The following CDK5RAP2 variants were observed in gnomAD, a reference collection of about 807,000 sequenced individuals.
CDK5RAP2 encodes the protein CDK5 regulatory subunit associated protein 2.
CDK5RAP2 carries 147 observed loss-of-function variants against 232.9 expected under a neutral mutation model. The ratio of observed to expected loss-of-function variants is 0.63; its 90% CI spans 0.55 to 0.72. The LOEUF is 0.72. Among genes scored for constraint, CDK5RAP2 ranks in the 30% least tolerant of loss-of-function variants. CDK5RAP2 has a pLI of 0.00. For synonymous variants in CDK5RAP2, 833 were observed against 833.7 expected, an observed-to-expected ratio of 1.00 and a Z score of 0.01; for missense variants, 2,195 against 2,231.5, an observed-to-expected ratio of 0.98 and a Z score of 0.33.
At position 120,547,279 on chromosome 9, in the gene CDK5RAP2, C is replaced by G. The variant is rs574981256; in HGVS notation, c.307-1489G>C. 1.5e-3 allele frequency among the ~76,000 whole-genome samples: 228 copies of G among 152,174 alleles called. 1 individual carries two copies. Among genetic ancestry groups the G allele is most frequent in the African/African-American group, 5.3e-3 (222 of 41,524 alleles). ...TGCTGGGATTACAGGCGTGAGCCAC[C>G]GCATCCGGCCATATGTGTATTATTT... is the stretch of plus-strand genomic sequence containing the variant. On this transcript the variant is annotated intron_variant, in intron 4 of 37. Transcript: ENST00000349780.
At chr9:120,540,012 T>G (rs1485886486) in intron 5 of CDK5RAP2, among the ~76,000 whole-genome samples, 3 of 152,196 alleles carry the variant, frequency 2.0e-5, no homozygotes, top group Admixed American at 6.5e-5. Context: ...GCGCACTAGC[T>G]ACCACTTAGG....
Position 120,389,131 on chromosome 9 carries a change from G to A in CDK5RAP2, c.*105C>T. On this transcript the variant is annotated 3_prime_UTR_variant, in exon 38 of 38. Coordinates refer to ENST00000349780, the MANE Select transcript of CDK5RAP2 (RefSeq NM_018249.6). ...GAAGGGAAAAAATAGATTTCCTTTG[G>A]CCAGACAGCTCTTTCTTCCTCAATA... The A allele has an allele frequency of 1.0e-6, 1 of 970,446 alleles. No individual in the cohort carries two copies. The highest frequency in any genetic ancestry group is 2.6e-5 in the East Asian group (1 of 38,606). 60.1% of individuals were successfully genotyped at this position (970,446 alleles called of 1,614,324 possible).
intron 36 of CDK5RAP2, among the ~76,000 whole-genome samples, chr9:120,393,681 G>A (rs537555520): frequency 2.0e-5 from 3 of 152,238 alleles, no homozygotes; most frequent in Non-Finnish European, 4.4e-5. Context: ...GGAGTGCTGA[G>A]GGTTTAAACC....
Position 120,528,777 on chromosome 9 carries a change from C to T in CDK5RAP2, c.846G>A (p.Gln282=). Residue 282 remains glutamine (Q), a synonymous_variant, in exon 9 of 38, where the codon CAG becomes CAA. Transcript: ENST00000349780. The part of the protein sequence containing the change: ...RETEAAQMEH[Q]KERNSFEERI... ...TCTCTTCAAAGCTGTTTCTCTCCTT[C>T]TGATGCTCCATTTGTGCAGCCTAAG... 2 of 1,610,202 alleles carry T rather than the reference C, an allele frequency of 1.2e-6. No homozygotes were observed. Among genetic ancestry groups the T allele is most frequent in the Non-Finnish European group, 1.7e-6 (2 of 1,176,374 alleles).
At chr9:120,466,260 G>A (rs766958533) in intron 18 of CDK5RAP2, among the ~76,000 whole-genome samples, 5 of 151,694 alleles carry the variant, frequency 3.3e-5, no homozygotes, top group Non-Finnish European at 5.9e-5. Flanking sequence ...GGAGAACCAC[G>A]CATACTCCCA....
intron 12 of CDK5RAP2, among the ~76,000 whole-genome samples, chr9:120,517,239 T>C (rs2040378530): frequency 6.6e-6 from 1 of 152,244 alleles, no homozygotes; most frequent in Non-Finnish European, 1.5e-5. Flanking sequence ...TAGGTTTTCT[T>C]TATTGATCCA....
rs1448023369 is a variant in CDK5RAP2 at position 120,491,306 on chromosome 9, C to T, written c.1482+1G>A. 1 of 1,610,950 alleles carries T rather than the reference C, an allele frequency of 6.2e-7. No homozygotes were observed. Among genetic ancestry groups the T allele is most frequent in the Non-Finnish European group, 8.5e-7 (1 of 1,177,546 alleles). ...AAATTTAAATACAAAAGTTACAGTA[C>T]CTGAAGCAACACGTCCTTCTGATTG... On this transcript the variant is annotated splice_donor_variant, in intron 13 of 37. Coordinates refer to ENST00000349780, the MANE Select transcript of CDK5RAP2 (RefSeq NM_018249.6). LOFTEE classifies it high-confidence loss of function.
chr9:120,550,987 T>C, intron 3 of CDK5RAP2, 85 bp from the exon 4 acceptor site: 1 of 800,622 alleles, frequency 1.2e-6, no homozygotes, highest in South Asian at 1.4e-5. Context: ...CGCTATGGAT[T>C]ACGAGGCTAC....
At chr9:120,579,645 C>T (rs549312604) in intron 1 of CDK5RAP2, among the ~76,000 whole-genome samples, 1 of 152,342 alleles carries the variant, frequency 6.6e-6, no homozygotes, top group African/African-American at 2.4e-5. Flanking sequence ...GCCCCACCCT[C>T]GTCCTACTCT....
At chr9:120,436,053 C>T (rs139267863) in intron 25 of CDK5RAP2, among the ~76,000 whole-genome samples, 9 of 152,304 alleles carry the variant, frequency 5.9e-5, no homozygotes, top group Non-Finnish European at 1.0e-4. Context: ...ACAAATTATT[C>T]ATTACACAGG....
rs112260915 is a variant in CDK5RAP2 at position 120,463,244 on chromosome 9, G to A, written c.2107-2577C>T. ...AAATTAGCTGGGCATGGTGGCGGGC[G>A]CCTGTAGTCCCAGCTACTTGGGAAG... On this transcript the variant is annotated intron_variant, in intron 18 of 37. Coordinates refer to ENST00000349780, the MANE Select transcript of CDK5RAP2 (RefSeq NM_018249.6). 1.6e-3 allele frequency among the ~76,000 whole-genome samples: 236 copies of A among 152,204 alleles called. 1 individual carries two copies. Among genetic ancestry groups the A allele is most frequent in the African/African-American group, 5.2e-3 (215 of 41,518 alleles).
rs1238054226 is a variant in CDK5RAP2, at chr9:120,411,357, C to T, written c.4414+1G>A. The T allele has an allele frequency of 1.9e-6, 3 of 1,558,210 alleles. No homozygotes were observed. Among genetic ancestry groups the T allele is most frequent in the Admixed American group, 3.3e-5 (2 of 59,956 alleles). ...CTTCCAGTGACTCCTTTAACTCTTA[C>T]CTCTGGATCCTTTAATGAGCATTGC... On this transcript the variant is annotated splice_donor_variant, in intron 29 of 37. Transcript: ENST00000349780. LOFTEE classifies it high-confidence loss of function.
chr9:120,518,206 T>TGAGA (rs1168760869), intron 12 of CDK5RAP2, among the ~76,000 whole-genome samples: 8 of 108,932 alleles, frequency 7.3e-5, no homozygotes, highest in African/African-American at 3.2e-4. Flanking sequence ...TGTGTGTGTG[T>TGAGA]GTGTGAGAGA....
intron 11 of CDK5RAP2, among the ~76,000 whole-genome samples, chr9:120,521,465 T>C (rs2040650354): frequency 1.3e-5 from 2 of 152,144 alleles, no homozygotes; most frequent in African/African-American, 4.8e-5. Flanking sequence ...TTTCCCATGC[T>C]GTTCTCATGA....
intron 18 of CDK5RAP2, among the ~76,000 whole-genome samples, chr9:120,461,766 C>G (rs2037102137): frequency 6.6e-6 from 1 of 152,138 alleles, no homozygotes; most frequent in Admixed American, 6.5e-5. Context: ...CACCTGAGCC[C>G]AGGGAGGTCG....
intron 20 of CDK5RAP2, among the ~76,000 whole-genome samples, chr9:120,456,497 G>C (rs1400717258): frequency 6.6e-6 from 1 of 152,156 alleles, no homozygotes; most frequent in Non-Finnish European, 1.5e-5. Context: ...ATCTAGATGG[G>C]GGCAGAGTCA....
At chr9:120,564,550 A>G (rs886608437) in intron 3 of CDK5RAP2, among the ~76,000 whole-genome samples, 3 of 152,138 alleles carry the variant, frequency 2.0e-5, no homozygotes, top group African/African-American at 7.2e-5. Flanking sequence ...AAGGAGATTC[A>G]TCACAGCTTT....
chr9:120,504,324 G>A lies in CDK5RAP2; in HGVS notation c.1312-12847C>T, dbSNP rs538620646. On this transcript the variant is annotated intron_variant, in intron 12 of 37. Coordinates refer to ENST00000349780, the MANE Select transcript of CDK5RAP2 (RefSeq NM_018249.6). ...CTAGGCCTGGCTACATCTGGAGCAG[G>A]AAAGCAAAAGAATCTGGAACTTGGG... 1.1e-4 allele frequency among the ~76,000 whole-genome samples: 16 copies of A among 152,280 alleles called. No individual in the cohort carries two copies. The South Asian group carries it at 2.7e-3, about 26-fold the overall frequency.
intron 28 of CDK5RAP2, 53 bp from the exon 29 acceptor site, chr9:120,411,527 G>A: frequency 1.0e-6 from 1 of 969,798 alleles, no homozygotes; most frequent in Non-Finnish European, 1.7e-6. Context: ...GATCAGTATA[G>A]ACAGAACTTT....
Sources: allele counts gnomAD v4.1 joint callset (sites outside exome capture counted in the v4.1 genomes callset), GRCh38; gene constraint gnomAD v4.1.1; transcripts MANE v1.5; gene names NCBI Gene and HGNC (gene_info 2026-07-23, HGNC 2026-07-21).